LRRC4C: variants seen among roughly 807,000 people sequenced by gnomAD.
LRRC4C encodes the protein leucine rich repeat containing 4C.
A neutral mutation model predicts 33.6 loss-of-function variants in LRRC4C; 5 were observed. The ratio of observed to expected loss-of-function variants is 0.15; its 90% CI spans 0.08 to 0.31. The LOEUF (loss-of-function observed/expected upper bound fraction) is 0.31. Among genes scored for constraint, LRRC4C ranks in the 10% least tolerant of loss-of-function variants. The probability of loss-of-function intolerance (pLI) is 1.00; values close to 1 mark genes in which losing one functional copy is unlikely to be tolerated. For synonymous variants in LRRC4C, 329 were observed against 302.0 expected (o/e 1.09, Z -0.93); for missense variants, 560 against 796.7 (o/e 0.70, Z 3.58).
At chr11:40,971,481 AG>A (rs1221675536) in intron 1 of LRRC4C, among the ~76,000 whole-genome samples, 4 of 152,220 alleles carry the variant, frequency 2.6e-5, no homozygotes, top group Non-Finnish European at 4.4e-5. Context: ...GCCCCCATCT[AG>A]ATTTCAGAGA....
chr11:40,606,710 G>T (rs974085676), intron 3 of LRRC4C, among the ~76,000 whole-genome samples: 1 of 151,912 alleles, frequency 6.6e-6, no homozygotes, highest in African/African-American at 2.4e-5. Context: ...TTGGAGGTGA[G>T]GAATACAATC....
intron 3 of LRRC4C, among the ~76,000 whole-genome samples, chr11:40,413,715 AT>A (rs1950228822): frequency 6.6e-6 from 1 of 152,142 alleles, no homozygotes; most frequent in Non-Finnish European, 1.5e-5. Flanking sequence ...AATGAAGTGA[AT>A]GTTGTTTCAA....
In LRRC4C at chr11:40,786,258, T is replaced by C. The variant is rs538794315; in HGVS notation, c.-406-137980A>G. Among the ~76,000 whole-genome samples, 279 of 152,300 alleles carry C rather than the reference T, an allele frequency of 1.8e-3. 1 individual carries two copies. Among genetic ancestry groups the C allele is most frequent in the Non-Finnish European group, 2.1e-3 (146 of 68,018 alleles). ...GATGTGCAGAATTGTCTTCCCCACC[T>C]TTTGACTTTCAGTTTGGCCTTGCAA... On this transcript the variant is annotated intron_variant, in intron 2 of 6. Coordinates refer to ENST00000528697, the MANE Select transcript of LRRC4C (RefSeq NM_001258419.2).
chr11:41,385,304 C>G (rs1241692024), intron 1 of LRRC4C, among the ~76,000 whole-genome samples: 2 of 151,540 alleles, frequency 1.3e-5, no homozygotes, highest in Non-Finnish European at 3.0e-5. Flanking sequence ...GCAGAATATA[C>G]TCTTGTATTT....
At chr11:40,403,619 C>G (rs1246623448) in intron 3 of LRRC4C, among the ~76,000 whole-genome samples, 1 of 152,060 alleles carries the variant, frequency 6.6e-6, no homozygotes, top group Non-Finnish European at 1.5e-5. Context: ...AACAGAAAGA[C>G]TCAACCAAAT....
At chr11:40,895,821 C>T (rs191087890) in intron 2 of LRRC4C, among the ~76,000 whole-genome samples, 60 of 152,140 alleles carry the variant, frequency 3.9e-4, no homozygotes, top group African/African-American at 1.3e-3. Flanking sequence ...CCAAAGAGTT[C>T]TTGAGGCTTT....
intron 1 of LRRC4C, among the ~76,000 whole-genome samples, chr11:41,008,566 G>A (rs3103798): frequency 0.97 from 147,370 of 152,236 alleles, 71,509 homozygotes; most frequent in East Asian, 1. Flanking sequence ...CTGTTCTCAG[G>A]TTGGCCCACC....
chr11:41,219,883 G>A (rs1207140635), intron 1 of LRRC4C, among the ~76,000 whole-genome samples: 1 of 152,192 alleles, frequency 6.6e-6, no homozygotes, highest in African/African-American at 2.4e-5. Flanking sequence ...GGAAGCCTGA[G>A]CATTCTCAGA....
rs73469934 is a variant in LRRC4C, at chr11:41,358,578, T to C, written c.-496+100853A>G. ...TCAATTAAAAAATGAGCCAAAGGCC[T>C]TAACAGACAGCTCACTGAAGCAGAT... On this transcript the variant is annotated intron_variant, in intron 1 of 6. Transcript: ENST00000528697. Among the ~76,000 whole-genome samples, 688 of 152,244 alleles carry C rather than the reference T, an allele frequency of 4.5e-3. 6 individuals are homozygous for C. The highest frequency in any genetic ancestry group is 0.016 in the African/African-American group (649 of 41,554).
Position 40,423,557 on chromosome 11 carries a change from G to C in LRRC4C, c.-269-103836C>G, listed in dbSNP as rs556588001. Among the ~76,000 whole-genome samples, 45 of 151,922 alleles carry C rather than the reference G, an allele frequency of 3.0e-4. No individual in the cohort carries two copies. In the East Asian group the frequency reaches 8.2e-3, roughly 28 times the overall value. ...GACGGGGTTTCACCGTGTTAGCCAG[G>C]ATGGTCTCGATCTCCTGACCTCGTG... On this transcript the variant is annotated intron_variant, in intron 3 of 6. Transcript: ENST00000528697.
At chr11:40,659,054 G>A (rs553675102) in intron 2 of LRRC4C, among the ~76,000 whole-genome samples, 5 of 152,304 alleles carry the variant, frequency 3.3e-5, no homozygotes, top group African/African-American at 1.2e-4. Flanking sequence ...CTGGACCCAG[G>A]CATTGCTGCA....
At chr11:40,230,444 AT>A (rs1865120105) in intron 5 of LRRC4C, among the ~76,000 whole-genome samples, 1 of 152,130 alleles carries the variant, frequency 6.6e-6, no homozygotes, top group Non-Finnish European at 1.5e-5. Context: ...TTGGCAGGGG[AT>A]GAGGAGGATT....
At chr11:40,321,716 A>G (rs1945857916) in intron 3 of LRRC4C, among the ~76,000 whole-genome samples, 1 of 152,196 alleles carries the variant, frequency 6.6e-6, no homozygotes, top group Non-Finnish European at 1.5e-5. Flanking sequence ...GATCGATTGT[A>G]TCTTAGCCTC....
At chr11:40,444,135 C>T (rs181849131) in intron 3 of LRRC4C, among the ~76,000 whole-genome samples, 19 of 152,088 alleles carry the variant, frequency 1.2e-4, no homozygotes, top group African/African-American at 4.3e-4. Context: ...TATGTTAGTT[C>T]ATCTAGTCTT....
At chr11:41,129,782 T>C (rs950944130) in intron 1 of LRRC4C, among the ~76,000 whole-genome samples, 1 of 152,026 alleles carries the variant, frequency 6.6e-6, no homozygotes, top group Non-Finnish European at 1.5e-5. Context: ...TAACTAATTA[T>C]CTAAGGTCAC....
At chr11:40,567,368 T>A (rs2135543870) in intron 3 of LRRC4C, among the ~76,000 whole-genome samples, 1 of 152,310 alleles carries the variant, frequency 6.6e-6, no homozygotes, top group East Asian at 1.9e-4. Flanking sequence ...CAAAGATTAT[T>A]GAATGTCTAT....
At chr11:41,274,147 A>G (rs1949405649) in intron 1 of LRRC4C, among the ~76,000 whole-genome samples, 1 of 152,078 alleles carries the variant, frequency 6.6e-6, no homozygotes, top group Non-Finnish European at 1.5e-5. Context: ...TGAGAGGCAG[A>G]AAAGAGAGAA....
chr11:41,187,776 G>C (rs1945761657), intron 1 of LRRC4C, among the ~76,000 whole-genome samples: 1 of 152,178 alleles, frequency 6.6e-6, no homozygotes, highest in Non-Finnish European at 1.5e-5. Flanking sequence ...TTCACCCCTA[G>C]ACGCTGCCGT....
At chr11:40,493,908 C>T (rs1327865461) in intron 3 of LRRC4C, among the ~76,000 whole-genome samples, 1 of 152,104 alleles carries the variant, frequency 6.6e-6, no homozygotes, top group African/African-American at 2.4e-5. Context: ...GGGAGGCTGA[C>T]CTTGATGTTC....
Sources: gnomAD v4.1 joint callset for allele counts (sites outside exome capture counted in the v4.1 genomes callset) on GRCh38, gnomAD v4.1.1 for gene constraint, MANE v1.5 for transcripts, NCBI Gene and HGNC (gene_info 2026-07-23, HGNC 2026-07-21) for gene names.